ZSCAN5A: variants seen among roughly 807,000 people sequenced by gnomAD.
ZSCAN5A encodes the protein zinc finger and SCAN domain-containing protein 5A.
Under a neutral mutation model 23.7 loss-of-function variants are expected in ZSCAN5A, and 12 were observed. The observed-to-expected ratio is 0.51, with a 90% confidence interval of 0.32 to 0.82. The LOEUF (loss-of-function observed/expected upper bound fraction) is 0.82. ZSCAN5A is among the 40% of genes least tolerant of loss of function. The probability of loss-of-function intolerance (pLI) is 0.03; values close to 1 mark genes in which losing one functional copy is unlikely to be tolerated. For synonymous variants in ZSCAN5A, 257 were observed against 239.9 expected (o/e 1.07, Z -0.66); for missense variants, 597 against 617.9 (o/e 0.97, Z 0.36).
chr19:56,334,978 C>T (rs573434750), intron 2 of ZSCAN5A, among the ~76,000 whole-genome samples: 2 of 152,022 alleles, frequency 1.3e-5, no homozygotes, highest in Admixed American at 6.6e-5. Context: ...CTTCAGAATA[C>T]GGATAAAAAC....
At chr19:56,229,692 T>TGCTG (rs1198626049) in intron 2 of ZSCAN5A, among the ~76,000 whole-genome samples, 1 of 152,224 alleles carries the variant, frequency 6.6e-6, no homozygotes, top group African/African-American at 2.4e-5. Context: ...TGCTGATGTC[T>TGCTG]ATTAATAGTA....
chr19:56,268,539 GTTTTC>G (rs887322227), intron 2 of ZSCAN5A, among the ~76,000 whole-genome samples: 17 of 152,016 alleles, frequency 1.1e-4, no homozygotes, highest in African/African-American at 3.9e-4. Context: ...TGCTTGTACT[GTTTTC>G]TTTGTTTTGT....
Position 56,221,630 on chromosome 19 carries a change from C to G in ZSCAN5A, c.1436G>C (p.Arg479Pro). 1 of 1,611,480 alleles carries G rather than the reference C, an allele frequency of 6.2e-7. No homozygotes were observed. ...KCSKCPRAFSRLKLLRRHQKT... is the reference protein window; with the variant it reads ...KCSKCPRAFSPLKLLRRHQKT... ...CTGGTGGCGTCTTAACAATTTCAGCCGACTGAAGGCTCTTGGACACTTGGA... is the reference window on the plus strand; with the variant it reads ...CTGGTGGCGTCTTAACAATTTCAGCGGACTGAAGGCTCTTGGACACTTGGA... Residue 479 changes from arginine to proline, a missense_variant, in exon 6 of 6, where the codon CGG (arginine) becomes CCG (proline). Physicochemically the swap from Arg to Pro is moderately radical, Grantham distance 103. Around this residue, in one of 5 missense-constraint regions of ZSCAN5A, gnomAD observed 87 missense variants for 74.4 expected, o/e 1.17. Coordinates refer to ENST00000683990, the MANE Select transcript of ZSCAN5A (RefSeq NM_001322064.3).
chr19:56,254,915 TTTATATAC>T (rs2036593296), intron 2 of ZSCAN5A, among the ~76,000 whole-genome samples: 1 of 152,094 alleles, frequency 6.6e-6, no homozygotes, highest in Non-Finnish European at 1.5e-5. Context: ...GTTAGCGTTC[TTTATATAC>T]TCTGGAGATG....
chr19:56,321,109 C>A, intron 2 of ZSCAN5A: 1 of 686,194 alleles, frequency 1.5e-6, no homozygotes, highest in East Asian at 3.0e-5. Context: ...AACAAGGGGA[C>A]GGATACTGCT....
intron 2 of ZSCAN5A, among the ~76,000 whole-genome samples, chr19:56,231,638 C>T (rs2034470223): frequency 6.6e-6 from 1 of 152,252 alleles, no homozygotes; most frequent in Admixed American, 6.5e-5. Flanking sequence ...CACACTCAGT[C>T]TCTCAACAAA....
chr19:56,222,849 T>C, intron 4 of ZSCAN5A, 108 bp from the exon 5 acceptor site: 2 of 1,502,658 alleles, frequency 1.3e-6, no homozygotes, highest in Non-Finnish European at 1.8e-6. Flanking sequence ...ATGACACAGG[T>C]GTGGAAATAC....
chr19:56,247,657 C>T (rs560695566), intron 2 of ZSCAN5A, among the ~76,000 whole-genome samples: 7 of 151,958 alleles, frequency 4.6e-5, no homozygotes, highest in African/African-American at 1.2e-4. Flanking sequence ...CCATTGTTTT[C>T]GTACAGGTTT....
At chr19:56,257,436 A>T (rs1487778711) in intron 2 of ZSCAN5A, among the ~76,000 whole-genome samples, 2 of 152,160 alleles carry the variant, frequency 1.3e-5, no homozygotes, top group Non-Finnish European at 2.9e-5. Context: ...CTGCAGTACT[A>T]AACAGACCAT....
chr19:56,234,016 G>T (rs1352438885), intron 2 of ZSCAN5A, among the ~76,000 whole-genome samples: 1 of 152,116 alleles, frequency 6.6e-6, no homozygotes, highest in Non-Finnish European at 1.5e-5. Flanking sequence ...TTTGAGACCA[G>T]CCTGGGCAAC....
intron 2 of ZSCAN5A, among the ~76,000 whole-genome samples, chr19:56,269,113 C>A (rs2037667090): frequency 6.6e-6 from 1 of 152,086 alleles, no homozygotes; most frequent in Non-Finnish European, 1.5e-5. Context: ...TGTGTAATTA[C>A]CTGTTTTCCG....
At chr19:56,255,494 G>A (rs1257545650) in intron 2 of ZSCAN5A, among the ~76,000 whole-genome samples, 1 of 152,084 alleles carries the variant, frequency 6.6e-6, no homozygotes, top group Non-Finnish European at 1.5e-5. Flanking sequence ...ACTCTGTGCC[G>A]TAGCCCAGTG....
chr19:56,301,986 C>T, intron 2 of ZSCAN5A: 1 of 1,232,068 alleles, frequency 8.1e-7, no homozygotes, highest in Non-Finnish European at 1.0e-6. Flanking sequence ...TTCTCAGGCA[C>T]CACCCCATCC....
chr19:56,311,431 T>G (rs1017717568), intron 2 of ZSCAN5A, among the ~76,000 whole-genome samples: 1 of 152,174 alleles, frequency 6.6e-6, no homozygotes, highest in Non-Finnish European at 1.5e-5. Flanking sequence ...ATGAAAAGGT[T>G]TAGAATAAAT....
In ZSCAN5A at chr19:56,321,365, C is replaced by A. The variant is rs573377379; in HGVS notation, c.-357-5097G>T. On this transcript the variant is annotated intron_variant, in intron 2 of 6. Transcript: ENST00000587340. ...TAATAACCAGGCATCACAATGTGGACACCAGCAGTTGGCTGGCAGATAGCT... is the reference window on the plus strand; with the variant it reads ...TAATAACCAGGCATCACAATGTGGAAACCAGCAGTTGGCTGGCAGATAGCT... 3.9e-5 allele frequency: 25 copies of A among 642,420 alleles called. No individual in the cohort carries two copies. The East Asian group carries it at 7.1e-4, about 18-fold the overall frequency. 39.8% of individuals were successfully genotyped at this position (642,420 alleles called of 1,614,324 possible).
chr19:56,319,050 C>T (rs1449052687), upstream of ZSCAN5A, among the ~76,000 whole-genome samples: 5 of 152,158 alleles, frequency 3.3e-5, no homozygotes, highest in Admixed American at 1.3e-4. Flanking sequence ...TCCCTGCATA[C>T]CCACCCCAAC....
intron 2 of ZSCAN5A, among the ~76,000 whole-genome samples, chr19:56,248,792 C>T (rs2036136927): frequency 6.6e-6 from 1 of 152,014 alleles, no homozygotes; most frequent in African/African-American, 2.4e-5. Flanking sequence ...GCACAGAGTT[C>T]CCCTAGACTC....
chr19:56,330,192 C>A (rs996174761), intron 2 of ZSCAN5A, among the ~76,000 whole-genome samples: 2 of 152,196 alleles, frequency 1.3e-5, no homozygotes, highest in Admixed American at 6.5e-5. Flanking sequence ...GCATAGTATT[C>A]CATGGTGTAT....
intron 2 of ZSCAN5A, among the ~76,000 whole-genome samples, chr19:56,361,454 C>G (rs572192057): frequency 6.6e-6 from 1 of 152,218 alleles, no homozygotes; most frequent in East Asian, 1.9e-4. Flanking sequence ...CGAAATCAAC[C>G]CAAATGCCCA....
Sources: allele counts gnomAD v4.1 joint callset (sites outside exome capture counted in the v4.1 genomes callset), GRCh38; gene constraint gnomAD v4.1.1; regional missense constraint gnomAD v4.1.1; transcripts MANE v1.5; gene names NCBI Gene and HGNC (gene_info 2026-07-23, HGNC 2026-07-21).